C3orf49: variants seen among roughly 807,000 people sequenced by gnomAD.
C3orf49 encodes the protein putative uncharacterized protein C3orf49.
C3orf49 carries 27 observed loss-of-function variants against 13.3 expected under a neutral mutation model. The observed-to-expected ratio is 2.02, with a 90% CI of 1.49 to 2.79. The LOEUF (loss-of-function observed/expected upper bound fraction) is 2.79, where lower values mean the gene tolerates loss of function less well. Among genes scored for constraint, C3orf49 ranks in the 30% most tolerant of loss-of-function variants. The probability of loss-of-function intolerance (pLI) is 0.00; values close to 1 mark genes in which losing one functional copy is unlikely to be tolerated. For synonymous variants in C3orf49, 87 were observed against 47.6 expected, an observed-to-expected ratio of 1.83 and a Z score of -3.40; for missense variants, 242 against 134.2, an observed-to-expected ratio of 1.80 and a Z score of -3.97.
intron 5 of C3orf49, among the ~76,000 whole-genome samples, chr3:63,842,359 T>G (rs1701783095): frequency 6.6e-6 from 1 of 152,090 alleles, no homozygotes; most frequent in Non-Finnish European, 1.5e-5. Context: ...TATACACTAT[T>G]GGTGGAATGT....
At chr3:63,834,077 A>G in intron 5 of C3orf49, 1 of 1,579,854 alleles carries the variant, frequency 6.3e-7, no homozygotes, top group Non-Finnish European at 8.7e-7. Flanking sequence ...TTTTAAACAC[A>G]TTATGGTCAT....
rs1174095605 is a variant in C3orf49, at chr3:63,845,044, G to C, written c.871G>C (p.Asp291His). 5.7e-6 allele frequency: 4 copies of C among 700,118 alleles called. No homozygotes were observed. The highest frequency in any genetic ancestry group is 7.8e-6 in the Non-Finnish European group (3 of 383,490). 43.4% of individuals were successfully genotyped at this position (700,118 alleles called of 1,614,324 possible). The change falls in exon 6 of 7, where the codon GAC becomes CAC. Residue 291 changes from aspartate to histidine, a missense_variant. Asp to His is a moderately conservative substitution (Grantham distance 81, BLOSUM62 -1). Coordinates refer to ENST00000295896, the MANE Select transcript of C3orf49 (RefSeq NM_001355236.2). ...LKNMTTKGPG[D>H]S is the part of the protein sequence containing the mutation. ...ACAGATGACCACAAAAGGACCTGGA[G>C]ACAGCTGACCTGAGACTCCTTGAGG...
chr3:63,783,897 C>A, the C3orf49 span, among the ~76,000 whole-genome samples: 1 of 152,024 alleles, frequency 6.6e-6, no homozygotes, highest in Non-Finnish European at 1.5e-5. Flanking sequence ...AGCAATGAGC[C>A]TTTCTAACAC....
chr3:63,831,431 A>ATTATC (rs1701530703), intron 4 of C3orf49, among the ~76,000 whole-genome samples: 1 of 152,220 alleles, frequency 6.6e-6, no homozygotes, highest in Non-Finnish European at 1.5e-5. Flanking sequence ...TAAATGTTAA[A>ATTATC]TGAATTCAGT....
chr3:63,802,560 C>A, the C3orf49 span, among the ~76,000 whole-genome samples: 2 of 152,060 alleles, frequency 1.3e-5, no homozygotes, highest in South Asian at 2.1e-4. Flanking sequence ...GATTATGTGG[C>A]CACATCTTTC....
At chr3:63,821,738 TGAAAG>T (rs1426459052) in intron 1 of C3orf49, among the ~76,000 whole-genome samples, 3 of 152,000 alleles carry the variant, frequency 2.0e-5, no homozygotes, top group Non-Finnish European at 4.4e-5. Context: ...ATAACATTCT[TGAAAG>T]GACGAGAATT....
chr3:63,842,969 A>T (rs1170876847), intron 5 of C3orf49, among the ~76,000 whole-genome samples: 11 of 149,718 alleles, frequency 7.3e-5, no homozygotes, highest in African/African-American at 2.5e-4. Flanking sequence ...TTTTTTTTTT[A>T]TAGAGACAGA....
rs1701390285 is a variant in C3orf49, at chr3:63,821,246, T to C, written c.125+1650T>C. On this transcript the variant is annotated intron_variant, in intron 1 of 6. Transcript: ENST00000295896. ...CTGTCACTGAACCACTTCCCATATA[T>C]AATTACAGAAAAAGGCTGAATGATT... Among the ~76,000 whole-genome samples the C allele has an allele frequency of 3.9e-5, 6 of 152,262 alleles. No individual in the cohort carries two copies. In the South Asian group the frequency reaches 1.0e-3, roughly 26 times the overall value.
intron 5 of C3orf49, chr3:63,836,361 G>C (rs1255188989): frequency 6.2e-7 from 1 of 1,611,468 alleles, no homozygotes; most frequent in South Asian, 1.1e-5. Flanking sequence ...ATCATATTCT[G>C]TAAGACATAA....
At chr3:63,789,656 C>T in the C3orf49 span, among the ~76,000 whole-genome samples, 1 of 151,666 alleles carries the variant, frequency 6.6e-6, no homozygotes, top group Non-Finnish European at 1.5e-5. Flanking sequence ...ACTAAAAATA[C>T]AAAAATTAAC....
the C3orf49 span, among the ~76,000 whole-genome samples, chr3:63,797,885 G>A: frequency 3.3e-5 from 5 of 152,144 alleles, no homozygotes; most frequent in African/African-American, 7.2e-5. Flanking sequence ...AGGTCTAGAT[G>A]TGGATATAAT....
Position 63,831,700 on chromosome 3 carries a change from A to G in C3orf49, c.705A>G (p.Thr235=). ...CATAGGTGGATGACCTCATAGAAACAGTGACTGATAAATCCATGAAGCTAC... is the reference window on the plus strand; with the variant it reads ...CATAGGTGGATGACCTCATAGAAACGGTGACTGATAAATCCATGAAGCTAC... ...LQMQVDDLIE[T]VTDKSMKLLA... is the part of the protein sequence containing the mutation. Residue 235 remains threonine (T), a synonymous_variant, in exon 5 of 7, where the codon ACA becomes ACG. Coordinates refer to ENST00000295896, the MANE Select transcript of C3orf49 (RefSeq NM_001355236.2). 1.4e-6 allele frequency: 1 copy of G among 703,152 alleles called. No individual in the cohort carries two copies. The highest frequency in any genetic ancestry group is 2.6e-6 in the Non-Finnish European group (1 of 385,030). The allele number at this position is 703,152 out of a possible 1,614,324, so 43.6% of individuals were successfully genotyped here. A position where few individuals can be genotyped will look rare whatever the true frequency, so the allele number is the denominator to read the frequency against.
At chr3:63,790,842 T>C in the C3orf49 span, among the ~76,000 whole-genome samples, 1 of 152,182 alleles carries the variant, frequency 6.6e-6, no homozygotes, top group Admixed American at 6.5e-5. Flanking sequence ...ATTTATTTAG[T>C]AAGTGCTTCA....
chr3:63,798,313 C>A, the C3orf49 span, among the ~76,000 whole-genome samples: 2 of 152,006 alleles, frequency 1.3e-5, no homozygotes, highest in Non-Finnish European at 2.9e-5. Context: ...AGGAAACATG[C>A]AAGATTTAGA....
chr3:63,808,000 A>G, the C3orf49 span, among the ~76,000 whole-genome samples: 1 of 152,124 alleles, frequency 6.6e-6, no homozygotes, highest in South Asian at 2.1e-4. Context: ...ACGCAACTGA[A>G]CAATAGCTCT....
chr3:63,816,146 T>TC (rs1210128107), upstream of C3orf49, among the ~76,000 whole-genome samples: 5 of 151,602 alleles, frequency 3.3e-5, no homozygotes, highest in East Asian at 3.9e-4. Context: ...TTTTTTTTTT[T>TC]CTATTTGTCT....
At chr3:63,824,262 G>A (rs1393053937) in intron 2 of C3orf49, among the ~76,000 whole-genome samples, 1 of 151,926 alleles carries the variant, frequency 6.6e-6, no homozygotes, top group Non-Finnish European at 1.5e-5. Context: ...GGGGATTTTT[G>A]GTTTTGTTTC....
chr3:63,797,841 G>A, the C3orf49 span, among the ~76,000 whole-genome samples: 1 of 152,172 alleles, frequency 6.6e-6, no homozygotes, highest in East Asian at 1.9e-4. Context: ...CAATGGTGGT[G>A]AAGTATGAAA....
the C3orf49 span, among the ~76,000 whole-genome samples, chr3:63,794,637 C>T: frequency 1.3e-5 from 2 of 152,110 alleles, no homozygotes; most frequent in African/African-American, 4.8e-5. Context: ...TCAAGGTCAC[C>T]AAAGATCTCC....
Sources: gnomAD v4.1 joint callset for allele counts (sites outside exome capture counted in the v4.1 genomes callset) on GRCh38, gnomAD v4.1.1 for gene constraint, MANE v1.5 for transcripts, NCBI Gene and HGNC (gene_info 2026-07-23, HGNC 2026-07-21) for gene names.